The following RNPS1 variants were observed in gnomAD, a reference collection of about 807,000 sequenced individuals.
RNPS1 encodes RNA-binding protein with serine-rich domain 1.
For synonymous variants in RNPS1, 147 were observed against 150.0 expected, an observed-to-expected ratio of 0.98 and a Z score of 0.15; for missense variants, 300 against 427.6, an observed-to-expected ratio of 0.70 and a Z score of 2.63.
intron 6 of RNPS1, chr16:2,258,193 G>C (rs963421324): frequency 1.3e-5 from 2 of 152,166 alleles, no homozygotes. Flanking sequence ...GAAATACTGG[G>C]AAACTTCTGG....
rs780790602 is a variant in RNPS1 at position 2,255,662 on chromosome 16, G to C, written c.741C>G (p.Pro247=). ...TTCTCCTGGGAGGGCTGAATCTCCT[G>C]GGGGGTGGCCTAGGCCAGGGGGCCA... ...AVLAPWPRPP[P]RRFSPPRRML... is the part of the protein sequence containing the mutation. The change falls in exon 7 of 8, where the codon CCC becomes CCG. Residue 247 remains proline, a synonymous_variant. Coordinates refer to ENST00000320225, the MANE Select transcript of RNPS1 (RefSeq NM_080594.4). 1.2e-6 allele frequency: 2 copies of C among 1,612,594 alleles called. No individual in the cohort carries two copies. The highest frequency in any genetic ancestry group is 1.3e-5 in the African/African-American group (1 of 74,902).
At chr16:2,259,369 T>C (rs190753067) in intron 6 of RNPS1, among the ~76,000 whole-genome samples, 1 of 152,328 alleles carries the variant, frequency 6.6e-6, no homozygotes, top group Admixed American at 6.5e-5. Flanking sequence ...TTATGTTAAA[T>C]TATTGTGTGC....
At position 2,263,249 on chromosome 16, in the gene RNPS1, G is replaced by A; in HGVS notation, c.266C>T (p.Thr89Ile). 1 of 1,613,810 alleles carries A rather than the reference G, an allele frequency of 6.2e-7. No homozygotes were observed. Among genetic ancestry groups the A allele is most frequent in the Non-Finnish European group, 8.5e-7 (1 of 1,179,840 alleles). Residue 89 changes from threonine (T) to isoleucine (I), a missense_variant, in exon 4 of 8, where the codon ACC becomes ATC. By Grantham distance (89) the Thr-to-Ile change is moderately conservative. Transcript: ENST00000320225. The part of the protein sequence containing the change: ...SSSTSSSGSS[T>I]STGSSSGSSS... Reference sequence around the variant, plus strand: ...GGAGCCACTGCTTGAGCCAGTGCTGGTGCTGGAGCCTGAGCTGGAAGTCGA... The same window carrying A: ...GGAGCCACTGCTTGAGCCAGTGCTGATGCTGGAGCCTGAGCTGGAAGTCGA...
At chr16:2,262,532 C>A (rs2093607319) in intron 5 of RNPS1, 101 bp from the exon 6 acceptor site, 4 of 1,287,060 alleles carry the variant, frequency 3.1e-6, no homozygotes, top group Non-Finnish European at 4.4e-6. Context: ...CAGGGTAAAA[C>A]ATTCCATCTG....
At position 2,262,318 on chromosome 16, in the gene RNPS1, A is replaced by C. The variant is rs766958571; in HGVS notation, c.636T>G (p.Asn212Lys). Reference protein sequence around the residue: ...SKGYAYVEFENPDEAEKALKH... With the variant: ...SKGYAYVEFEKPDEAEKALKH... Reference sequence around the variant, plus strand: ...TCAGCGCCTTCTCGGCTTCATCTGGATTCTCAAACTCTACGTACGCATAGC... The same window carrying C: ...TCAGCGCCTTCTCGGCTTCATCTGGCTTCTCAAACTCTACGTACGCATAGC... Residue 212 changes from asparagine to lysine, a missense_variant, in exon 6 of 8, where the codon AAT becomes AAG. Asn to Lys is a moderately conservative substitution (Grantham distance 94). Coordinates refer to ENST00000320225, the MANE Select transcript of RNPS1 (RefSeq NM_080594.4). 1.2e-6 allele frequency: 2 copies of C among 1,613,862 alleles called. No homozygotes were observed. Among genetic ancestry groups the C allele is most frequent in the Non-Finnish European group, 1.7e-6 (2 of 1,180,028 alleles).
In RNPS1 at chr16:2,255,818, T is replaced by C. The variant is rs530239188; in HGVS notation, c.677-92A>G. 229 of 1,365,746 alleles carry C rather than the reference T, an allele frequency of 1.7e-4. 1 individual carries two copies. The highest frequency in any genetic ancestry group is 1.4e-3 in the Middle Eastern group (8 of 5,636). 84.6% of individuals were successfully genotyped at this position (1,365,746 alleles called of 1,614,324 possible). A position where few individuals can be genotyped will look rare whatever the true frequency, so the allele number is the denominator to read the frequency against. On this transcript the variant is annotated intron_variant, in intron 6 of 7. Transcript: ENST00000320225. ...GTGAAAGACAGGCCTGGGGGGACAA[T>C]GACAATGTAAGATAATCACAGAAAC...
chr16:2,255,775 T>C (rs2093575427), intron 6 of RNPS1, 49 bp from the exon 7 acceptor site: 3 of 1,582,824 alleles, frequency 1.9e-6, no homozygotes, highest in African/African-American at 2.7e-5. Flanking sequence ...GCATCTACCC[T>C]AGACAATGCA....
At chr16:2,266,789 A>T (rs1313951594) in intron 1 of RNPS1, 1 of 760,524 alleles carries the variant, frequency 1.3e-6, no homozygotes, top group Non-Finnish European at 1.6e-6. Flanking sequence ...GGGTGAAATT[A>T]ATTTTTAACG....
At chr16:2,255,825 G>GT in intron 6 of RNPS1, 99 bp from the exon 7 acceptor site, 1 of 1,328,792 alleles carries the variant, frequency 7.5e-7, no homozygotes, top group Non-Finnish European at 1.1e-6. Flanking sequence ...CAATGACAAT[G>GT]TAAGATAATC....
chr16:2,264,121 TG>T (rs1393257854), intron 3 of RNPS1, 54 bp downstream of exon 3: 1 of 1,593,728 alleles, frequency 6.3e-7, no homozygotes, highest in African/African-American at 1.3e-5. Flanking sequence ...CTGTGGGGAG[TG>T]GGGGTGTAGC....
intron 2 of RNPS1, 101 bp from the exon 3 acceptor site, chr16:2,264,432 C>G: frequency 1.9e-6 from 3 of 1,570,092 alleles, no homozygotes; most frequent in Non-Finnish European, 1.7e-6. Context: ...CACAGAGACC[C>G]GAGGTGACCA....
intron 6 of RNPS1, chr16:2,258,260 T>A (rs1376652841): frequency 1.3e-5 from 2 of 152,240 alleles, no homozygotes; most frequent in Admixed American, 6.5e-5. Flanking sequence ...GTATTCTATG[T>A]AAGAAAACTG....
intron 6 of RNPS1, among the ~76,000 whole-genome samples, chr16:2,259,672 G>A (rs571092101): frequency 2.6e-5 from 4 of 152,156 alleles, no homozygotes; most frequent in African/African-American, 4.8e-5. Flanking sequence ...GGCGGATCAC[G>A]AGGTCAGGAG....
intron 6 of RNPS1, 88 bp downstream of exon 6, chr16:2,262,190 G>T (rs2093605649): frequency 2.2e-6 from 3 of 1,339,452 alleles, no homozygotes; most frequent in Admixed American, 2.0e-5. Context: ...CAAACAAAAA[G>T]AAGTGCAGCC....
At chr16:2,265,280 T>C (rs112165809) in intron 1 of RNPS1, 4 of 152,280 alleles carry the variant, frequency 2.6e-5, no homozygotes, top group African/African-American at 9.7e-5. Context: ...AGATGAAATG[T>C]ACCATATGAA....
chr16:2,255,076 C>CA (rs2141534114), intron 7 of RNPS1, among the ~76,000 whole-genome samples: 1 of 152,314 alleles, frequency 6.6e-6, no homozygotes, highest in African/African-American at 2.4e-5. Context: ...GGACAGGTCC[C>CA]ACCTGATGGG....
intron 6 of RNPS1, among the ~76,000 whole-genome samples, chr16:2,261,411 G>A (rs1182107242): frequency 1.3e-5 from 2 of 152,206 alleles, no homozygotes; most frequent in Non-Finnish European, 2.9e-5. Context: ...CCAGCGCTGT[G>A]TTTGGTGCCC....
intron 1 of RNPS1, chr16:2,267,134 G>A (rs1400583190): frequency 3.2e-6 from 3 of 951,402 alleles, no homozygotes; most frequent in Non-Finnish European, 3.8e-6. Context: ...TGCTGGGTGC[G>A]GTCGAGTGCT....
At chr16:2,264,055 C>T in intron 3 of RNPS1, 121 bp downstream of exon 3, 1 of 1,232,630 alleles carries the variant, frequency 8.1e-7, no homozygotes, top group Non-Finnish European at 1.1e-6. Flanking sequence ...ATTAGGGTCT[C>T]TACTAACAAT....
Sources: gnomAD v4.1 joint callset for allele counts (sites outside exome capture counted in the v4.1 genomes callset) on GRCh38, gnomAD v4.1.1 for gene constraint, MANE v1.5 for transcripts, NCBI Gene and HGNC (gene_info 2026-07-23, HGNC 2026-07-21) for gene names.